SEMA7A: variants seen among roughly 807,000 people sequenced by gnomAD.
SEMA7A encodes semaphorin 7A (JohnMiltonHagen blood group).
SEMA7A carries 21 observed loss-of-function variants against 67.5 expected under a neutral mutation model. The ratio of observed to expected loss-of-function variants is 0.31; its 90% CI spans 0.22 to 0.45. SEMA7A has a LOEUF of 0.45. Ranked by LOEUF, SEMA7A falls within the 20% of genes least tolerant of loss-of-function variation. The probability of loss-of-function intolerance (pLI) is 1.00; values close to 1 mark genes in which losing one functional copy is unlikely to be tolerated. For missense variants in SEMA7A, 774 were observed against 908.6 expected (o/e 0.85, Z 1.90); for synonymous variants, 364 against 368.5 (o/e 0.99, Z 0.14).
Position 74,417,533 on chromosome 15 carries a change from C to T in SEMA7A, c.550+58G>A. 4.4e-6 allele frequency: 7 copies of T among 1,586,216 alleles called. No individual in the cohort carries two copies. The South Asian group carries it at 5.6e-5, about 13-fold the overall frequency. On this transcript the variant is annotated intron_variant, in intron 5 of 13. Coordinates refer to ENST00000261918, the MANE Select transcript of SEMA7A (RefSeq NM_003612.5). ...ACACTGGACAAAGAGCTGACCACTCCTCTCCCAGCCCAGTTCAGAAGCATC... is the reference window on the plus strand; with the variant it reads ...ACACTGGACAAAGAGCTGACCACTCTTCTCCCAGCCCAGTTCAGAAGCATC...
intron 1 of SEMA7A, chr15:74,427,370 C>T (rs559804880): frequency 1.0e-6 from 1 of 985,468 alleles, no homozygotes; most frequent in Admixed American, 6.1e-5. Context: ...GAACAGATTC[C>T]TGGGCCACCA....
Position 74,410,111 on chromosome 15 carries a change from G to C in SEMA7A, c.*513C>G, listed in dbSNP as rs543011537. ...CTGTCCTGTGGGACCCAGGACCAGA[G>C]AGGGAGCTGCAGAGGACAGGGCTGG... On this transcript the variant is annotated 3_prime_UTR_variant, in exon 14 of 14. Transcript: ENST00000261918. This position sits in a 1 kb window ranked among gnomAD's most constrained non-coding sequence, Gnocchi z 7.5. The C allele has an allele frequency of 5.0e-4, 78 of 155,272 alleles. No homozygotes were observed. Among genetic ancestry groups the C allele is most frequent in the Non-Finnish European group, 8.5e-4 (60 of 70,250 alleles). The allele number at this position is 155,272 out of a possible 1,614,324, so 9.6% of individuals were successfully genotyped here.
chr15:74,410,662 C>A lies in SEMA7A; in HGVS notation c.1963G>T (p.Val655Leu). The A allele has an allele frequency of 6.2e-7, 1 of 1,606,284 alleles. No individual in the cohort carries two copies. Among genetic ancestry groups the A allele is most frequent in the Admixed American group, 1.7e-5 (1 of 59,722 alleles). ...AAGCCAAGAGTGAGTGTGGGCAGCA[C>A]CCCCAGCCAGAGGGAGGCGGCCAGG... The part of the protein sequence containing the change: ...CALAASLWLG[V>L]LPTLTLGLLV... Residue 655 changes from valine to leucine, a missense_variant, in exon 14 of 14, where the codon GTG becomes TTG. Val to Leu is a conservative substitution (Grantham distance 32). Around this residue, in one of 2 missense-constraint regions of SEMA7A, gnomAD observed 427 missense variants for 555.4 expected, o/e 0.77. Coordinates refer to ENST00000261918, the MANE Select transcript of SEMA7A (RefSeq NM_003612.5). The surrounding 1 kb of genome is among the most constrained non-coding windows in gnomAD (Gnocchi z 7.5).
In SEMA7A at chr15:74,418,880, C is replaced by T. The variant is rs1464514694; in HGVS notation, c.251G>A (p.Ser84Asn). 1 of 1,613,784 alleles carries T rather than the reference C, an allele frequency of 6.2e-7. No individual in the cohort carries two copies. Among genetic ancestry groups the T allele is most frequent in the Non-Finnish European group, 8.5e-7 (1 of 1,180,032 alleles). Residue 84 changes from serine to asparagine, a missense_variant, in exon 2 of 14, where the codon AGC becomes AAC. This residue lies in a region of SEMA7A where 347 missense variants were observed against 353.2 expected (regional missense o/e 0.98). Coordinates refer to ENST00000261918, the MANE Select transcript of SEMA7A (RefSeq NM_003612.5). ...ACGTCCTCCCACCCACACAGAGGAG[C>T]TGCCTGGCTCGTGGAAAAGCACCGT... ...PHTVLFHEPGSSSVWVGGRGK... is the reference protein window; with the variant it reads ...PHTVLFHEPGNSSVWVGGRGK...
At chr15:74,432,696 G>C (rs1387012592) in intron 1 of SEMA7A, among the ~76,000 whole-genome samples, 3 of 152,104 alleles carry the variant, frequency 2.0e-5, no homozygotes, top group African/African-American at 7.2e-5. Context: ...CTCCCGGTGG[G>C]GCCAGACCCG....
chr15:74,422,503 T>C (rs2061008515), intron 1 of SEMA7A, among the ~76,000 whole-genome samples: 1 of 152,168 alleles, frequency 6.6e-6, no homozygotes, highest in Non-Finnish European at 1.5e-5. Flanking sequence ...TCACTCGTGC[T>C]GGACCAAGAA....
intron 1 of SEMA7A, among the ~76,000 whole-genome samples, chr15:74,431,998 G>C (rs939974655): frequency 6.7e-6 from 1 of 149,384 alleles, no homozygotes; most frequent in Non-Finnish European, 1.5e-5. Context: ...TGGGTAAGAG[G>C]ACTGAAAGCA....
chr15:74,428,076 C>A (rs762004362), intron 1 of SEMA7A, among the ~76,000 whole-genome samples: 1 of 152,220 alleles, frequency 6.6e-6, no homozygotes, highest in Non-Finnish European at 1.5e-5. Context: ...CTGATTAGCC[C>A]GAGCCGGGAC....
chr15:74,412,449 G>A (rs566669599), intron 10 of SEMA7A, among the ~76,000 whole-genome samples: 87 of 152,330 alleles, frequency 5.7e-4, no homozygotes, highest in Non-Finnish European at 1.1e-3. Flanking sequence ...CAGCTGGTGA[G>A]CAGCAGAGAC....
intron 1 of SEMA7A, among the ~76,000 whole-genome samples, chr15:74,426,000 C>T (rs1485280226): frequency 6.6e-6 from 1 of 152,224 alleles, no homozygotes; most frequent in Non-Finnish European, 1.5e-5. Context: ...AGGCCAGGCA[C>T]AGTGGGTCAT....
rs140260823 is a variant in SEMA7A, at chr15:74,413,759, G to A, written c.1294+788C>T. 2.7e-3 allele frequency among the ~76,000 whole-genome samples: 415 copies of A among 152,308 alleles called. 2 individuals are homozygous for A. The highest frequency in any genetic ancestry group is 9.5e-3 in the African/African-American group (393 of 41,560). On this transcript the variant is annotated intron_variant, in intron 10 of 13. Transcript: ENST00000261918. ...AGTTTCCTACAAGGTCACCAAAGCCGAGACAGTTCCAAGGTGAAGCAGCAA... is the reference window on the plus strand; with the variant it reads ...AGTTTCCTACAAGGTCACCAAAGCCAAGACAGTTCCAAGGTGAAGCAGCAA...
At chr15:74,416,355 A>G (rs1282750697) in intron 7 of SEMA7A, among the ~76,000 whole-genome samples, 1 of 151,908 alleles carries the variant, frequency 6.6e-6, no homozygotes. Context: ...CATCATACAC[A>G]CGCTCACACG....
rs370286582 is a variant in SEMA7A at position 74,411,544 on chromosome 15, C to T, written c.1577+12G>A. The T allele has an allele frequency of 8.5e-5, 131 of 1,547,720 alleles. No individual in the cohort carries two copies. The African/African-American group carries it at 1.4e-3, about 16-fold the overall frequency. ...ACCTTCTCCCAGGGACGAGGGATCC[C>T]GGCCAACGTACCGTTCGGAGCTGTA... On this transcript the variant is annotated intron_variant, in intron 12 of 13. Transcript: ENST00000261918. The surrounding 1 kb of genome is among the most constrained non-coding windows in gnomAD (Gnocchi z 4.4).
In SEMA7A at chr15:74,418,303, T is replaced by C. The variant is rs1307161456; in HGVS notation, c.337A>G (p.Ile113Val). The C allele has an allele frequency of 1.2e-6, 2 of 1,611,588 alleles. No individual in the cohort carries two copies. The highest frequency in any genetic ancestry group is 1.3e-5 in the African/African-American group (1 of 74,834). The part of the protein sequence containing the change: ...GKNASVRTVN[I>V]GSTKGSCLDK... ...AGACAGGACCCCTTTGTGGAGCCGA[T>C]ATTCACCTGGGGGAAGGGGAGAAGC... is the stretch of plus-strand genomic sequence containing the variant. The change falls in exon 3 of 14, where the codon ATC becomes GTC. Residue 113 changes from isoleucine to valine, a missense_variant. By Grantham distance (29) the Ile-to-Val change is conservative (BLOSUM62 3). Coordinates refer to ENST00000261918, the MANE Select transcript of SEMA7A (RefSeq NM_003612.5).
At chr15:74,433,170 C>T (rs1311424193) in intron 1 of SEMA7A, among the ~76,000 whole-genome samples, 2 of 152,084 alleles carry the variant, frequency 1.3e-5, no homozygotes, top group African/African-American at 4.8e-5. Context: ...TCCCGCCGCT[C>T]GCTGCAGGAT....
At chr15:74,421,155 ATGGCAGAGACATGACTGGGTCC>A (rs1330016967) in intron 1 of SEMA7A, among the ~76,000 whole-genome samples, 1 of 152,210 alleles carries the variant, frequency 6.6e-6, no homozygotes, top group African/African-American at 2.4e-5. Context: ...GTCGAGCCTG[ATGGCAGAGACATGACTGGGTCC>A]TGGAGAGCAA....
intron 1 of SEMA7A, among the ~76,000 whole-genome samples, chr15:74,430,184 T>C (rs939277612): frequency 6.6e-6 from 1 of 152,096 alleles, no homozygotes; most frequent in Non-Finnish European, 1.5e-5. Flanking sequence ...ATGCTGATGA[T>C]CCATTTCCTC....
chr15:74,418,045 A>G, intron 3 of SEMA7A, 76 bp from the exon 4 acceptor site: 2 of 1,506,782 alleles, frequency 1.3e-6, no homozygotes, highest in Non-Finnish European at 1.8e-6. Flanking sequence ...TAGGACCCCC[A>G]GGATCAGGGA....
In SEMA7A at chr15:74,412,017, G is replaced by A; in HGVS notation, c.1295-5C>T. On this transcript the variant is annotated splice_polypyrimidine_tract_variant and splice_region_variant and intron_variant, in intron 10 of 13. Transcript: ENST00000261918. ...CCTTGTGGATAGTGCCCCTGTCTGT[G>A]TATGGTGGACAGAGGGTCAGTGGGC... The A allele has an allele frequency of 6.2e-7, 1 of 1,613,618 alleles. No individual in the cohort carries two copies. The highest frequency in any genetic ancestry group is 8.5e-7 in the Non-Finnish European group (1 of 1,179,934).
Sources: allele counts gnomAD v4.1 joint callset (sites outside exome capture counted in the v4.1 genomes callset), GRCh38; gene constraint gnomAD v4.1.1; regional missense constraint gnomAD v4.1.1; non-coding constraint Gnocchi (gnomAD v3.1); transcripts MANE v1.5; gene names NCBI Gene and HGNC (gene_info 2026-07-23, HGNC 2026-07-21).